Variants in MPHOSPH9 observed in about 807,000 individuals in gnomAD.
The protein encoded by MPHOSPH9 is M-phase phosphoprotein 9.
Under a neutral mutation model 145.5 loss-of-function variants are expected in MPHOSPH9, and 88 were observed. The observed-to-expected ratio is 0.60, with a 90% CI of 0.51 to 0.72. MPHOSPH9 has a LOEUF of 0.72. Among genes scored for constraint, MPHOSPH9 ranks in the 30% least tolerant of loss-of-function variants. MPHOSPH9 has a pLI of 0.00. For missense variants in MPHOSPH9, 1,238 were observed against 1,386.6 expected, an observed-to-expected ratio of 0.89 and a Z score of 1.70; for synonymous variants, 435 against 486.2, an observed-to-expected ratio of 0.89 and a Z score of 1.39.
At chr12:123,153,229 C>G (rs1448709673), downstream of MPHOSPH9, 1 of 152,152 alleles carries the variant, frequency 6.6e-6, no homozygotes, top group Non-Finnish European at 1.5e-5. Flanking sequence ...ACCAAATAAC[C>G]CCCAAGTCAC....
In MPHOSPH9 at chr12:123,179,987, C is replaced by T; in HGVS notation, c.2293G>A (p.Ala765Thr). 1.4e-6 allele frequency: 2 copies of T among 1,412,590 alleles called. No individual in the cohort carries two copies. The highest frequency in any genetic ancestry group is 1.9e-6 in the Non-Finnish European group (2 of 1,043,150). 87.5% of individuals were successfully genotyped at this position (1,412,590 alleles called of 1,614,324 possible). A position where few individuals can be genotyped will look rare whatever the true frequency, so the allele number is the denominator to read the frequency against. Residue 765 changes from alanine to threonine, a missense_variant, in exon 15 of 24, where the codon GCA becomes ACA. Ala to Thr is a moderately conservative substitution (Grantham distance 58, BLOSUM62 0). Transcript: ENST00000606320. ...AATTTGTTCTCAGTTGTATTTAATG[C>T]ATCCTATGGAAATAAAGGAGAAATT... is the stretch of plus-strand genomic sequence containing the variant. ...LGKEHRRVKD[A>T]LNTTENKLLD...
In MPHOSPH9 at chr12:123,227,561, G is replaced by C. The variant is rs1163161303; in HGVS notation, c.160C>G (p.Pro54Ala). Residue 54 changes from proline (P) to alanine (A), a missense_variant, in exon 3 of 24, where the codon CCA becomes GCA. Pro to Ala is a conservative substitution (Grantham distance 27). This residue lies in a region of MPHOSPH9 where 837 missense variants were observed against 897.5 expected (regional missense o/e 0.93). Coordinates refer to ENST00000606320, the MANE Select transcript of MPHOSPH9 (RefSeq NM_022782.4). Reference sequence around the variant, plus strand: ...TCAACTGTACCTTGAATTACAGATGGTCTGGTCTTCCCTGAGAAAGAGGAT... The same window carrying C: ...TCAACTGTACCTTGAATTACAGATGCTCTGGTCTTCCCTGAGAAAGAGGAT... Reference protein sequence around the residue: ...GVSSFSGKTRPSVIQGTVEVL... With the variant: ...GVSSFSGKTRASVIQGTVEVL... The C allele has an allele frequency of 2.6e-6, 4 of 1,532,920 alleles. No individual in the cohort carries two copies. Among genetic ancestry groups the C allele is most frequent in the Non-Finnish European group, 3.5e-6 (4 of 1,144,730 alleles). 95.0% of individuals were successfully genotyped at this position (1,532,920 alleles called of 1,614,324 possible).
At chr12:123,212,588 T>C (rs1268959069) in intron 7 of MPHOSPH9, among the ~76,000 whole-genome samples, 1 of 151,056 alleles carries the variant, frequency 6.6e-6, no homozygotes, top group Non-Finnish European at 1.5e-5. Flanking sequence ...ATGCCTGTAA[T>C]CCCAGTTTGG....
intron 18 of MPHOSPH9, among the ~76,000 whole-genome samples, chr12:123,164,593 A>G (rs1232966623): frequency 2.0e-5 from 3 of 152,242 alleles, no homozygotes; most frequent in African/African-American, 7.2e-5. Context: ...AAGAAGAGGA[A>G]ATGTTATATC....
Position 123,202,196 on chromosome 12 carries a change from A to G in MPHOSPH9, c.1905T>C (p.Asp635=). 3.1e-6 allele frequency: 5 copies of G among 1,611,454 alleles called. No homozygotes were observed. The highest frequency in any genetic ancestry group is 1.1e-5 in the South Asian group (1 of 90,108). The change falls in exon 11 of 24, where the codon GAT becomes GAC. Residue 635 remains aspartate, a synonymous_variant. Coordinates refer to ENST00000606320, the MANE Select transcript of MPHOSPH9 (RefSeq NM_022782.4). The part of the protein sequence containing the change: ...LEAKEISGVE[D]WKITNQILVD... ...CAAGAATTTGATTGGTTATCTTCCA[A>G]TCTTCAACTCCAGAGATTTCTTTTG... is the stretch of plus-strand genomic sequence containing the variant.
rs1156309160 is a variant in MPHOSPH9, at chr12:123,207,947, T to TA, written c.1194+2108dup. Among the ~76,000 whole-genome samples, 17 of 150,750 alleles carry TA rather than the reference T, an allele frequency of 1.1e-4. No homozygotes were observed. In the East Asian group the frequency reaches 1.4e-3, roughly 12 times the overall value. On this transcript the variant is annotated intron_variant, in intron 8 of 23. Coordinates refer to ENST00000606320, the MANE Select transcript of MPHOSPH9 (RefSeq NM_022782.4). ...AGTTTTATTTCTTTGCTCTTAAATTTAAAAAAAATGGGCCAGCGCAGTGGC... is the reference window on the plus strand; with the variant it reads ...AGTTTTATTTCTTTGCTCTTAAATTTAAAAAAAAATGGGCCAGCGCAGTGGC...
At chr12:123,210,508 C>T (rs748755804) in intron 7 of MPHOSPH9, among the ~76,000 whole-genome samples, 13 of 151,900 alleles carry the variant, frequency 8.6e-5, no homozygotes, top group African/African-American at 2.4e-4. Context: ...GCCTGGCCAA[C>T]GTGGTGAAGC....
chr12:123,160,592 A>C, intron 23 of MPHOSPH9, 189 bp downstream of exon 23: 4 of 539,012 alleles, frequency 7.4e-6, no homozygotes, highest in Non-Finnish European at 1.3e-5. Context: ...ATCAATTTTT[A>C]TTCCTGAAAG....
At chr12:123,201,336 G>C (rs143311739) in intron 11 of MPHOSPH9, among the ~76,000 whole-genome samples, 91 of 152,246 alleles carry the variant, frequency 6.0e-4, no homozygotes, top group African/African-American at 2.1e-3. Context: ...CTTAGAGAAT[G>C]CCTTGCTATC....
chr12:123,200,910 C>T lies in MPHOSPH9; in HGVS notation c.1937+1254G>A, dbSNP rs1240105799. 2.6e-5 allele frequency among the ~76,000 whole-genome samples: 4 copies of T among 152,020 alleles called. No homozygotes were observed. The South Asian group carries it at 6.2e-4, about 24-fold the overall frequency. On this transcript the variant is annotated intron_variant, in intron 11 of 23. Coordinates refer to ENST00000606320, the MANE Select transcript of MPHOSPH9 (RefSeq NM_022782.4). ...CTAACCTCTAGTGATCTGCCTGCCT[C>T]GGCCTCCCAAACTGCTGGGATTACA...
chr12:123,181,484 A>C (rs530751375), intron 13 of MPHOSPH9, among the ~76,000 whole-genome samples: 2 of 152,172 alleles, frequency 1.3e-5, no homozygotes, highest in South Asian at 4.1e-4. Context: ...AGGACAGAGG[A>C]TCACTTGAGG....
intron 12 of MPHOSPH9, among the ~76,000 whole-genome samples, chr12:123,195,791 A>G (rs959561566): frequency 4.0e-5 from 6 of 151,592 alleles, no homozygotes; most frequent in Admixed American, 6.6e-5. Flanking sequence ...TGTGGCTCAC[A>G]GCGGAAATCC....
At position 123,217,205 on chromosome 12, in the gene MPHOSPH9, CT is replaced by C. The variant is rs770326847; in HGVS notation, c.996+1170del. Among the ~76,000 whole-genome samples, 274 of 143,742 alleles carry C rather than the reference CT, an allele frequency of 1.9e-3. 1 individual carries two copies. Among genetic ancestry groups the C allele is most frequent in the Middle Eastern group, 3.5e-3 (1 of 286 alleles). The allele number at this position is 143,742 out of a possible 152,430, so 94.3% of individuals were successfully genotyped here. A position where few individuals can be genotyped will look rare whatever the true frequency, so the allele number is the denominator to read the frequency against. On this transcript the variant is annotated intron_variant, in intron 6 of 23. Coordinates refer to ENST00000606320, the MANE Select transcript of MPHOSPH9 (RefSeq NM_022782.4). ...AATTCAGAACTGTTCAAATTTCAAC[CT>C]TTTTTTTTTTTAGACGGAATCTCGC...
chr12:123,174,959 T>C lies in MPHOSPH9; in HGVS notation c.2456+1729A>G, dbSNP rs547959951. Among the ~76,000 whole-genome samples the C allele has an allele frequency of 1.1e-4, 17 of 152,204 alleles. No individual in the cohort carries two copies. The South Asian group carries it at 2.7e-3, about 24-fold the overall frequency. The stretch of plus-strand genomic sequence containing the variant: ...TAGAATCTCTCCCGAAGAGTCTCTA[T>C]TGTCTATTTCTGTGACCACCACCTA... On this transcript the variant is annotated intron_variant, in intron 16 of 23. Coordinates refer to ENST00000606320, the MANE Select transcript of MPHOSPH9 (RefSeq NM_022782.4).
chr12:123,228,361 A>C (rs1418255172), intron 2 of MPHOSPH9, among the ~76,000 whole-genome samples: 2 of 152,208 alleles, frequency 1.3e-5, no homozygotes, highest in Admixed American at 1.3e-4. Flanking sequence ...AAATAACAAT[A>C]AAATAATAGT....
intron 8 of MPHOSPH9, among the ~76,000 whole-genome samples, chr12:123,208,372 A>G (rs1020026102): frequency 1.3e-5 from 2 of 151,656 alleles, no homozygotes; most frequent in Non-Finnish European, 2.9e-5. Context: ...CCCCGTCTCT[A>G]CTAAAAATAC....
chr12:123,224,756 C>T (rs550690599), intron 3 of MPHOSPH9, among the ~76,000 whole-genome samples: 4 of 152,250 alleles, frequency 2.6e-5, no homozygotes, highest in Admixed American at 6.5e-5. Flanking sequence ...ATAAATATTT[C>T]GCACAGTATT....
intron 16 of MPHOSPH9, among the ~76,000 whole-genome samples, chr12:123,169,245 T>C (rs891974944): frequency 2.7e-5 from 4 of 149,190 alleles, no homozygotes; most frequent in Admixed American, 6.7e-5. Flanking sequence ...CCTATAATCC[T>C]AGCACTTTGA....
At chr12:123,224,110 T>TTC (rs1555231852) in intron 3 of MPHOSPH9, among the ~76,000 whole-genome samples, 3 of 120,392 alleles carry the variant, frequency 2.5e-5, no homozygotes, top group Non-Finnish European at 4.9e-5. Context: ...AATTGCTAAT[T>TTC]TATATATATA....
Sources: allele counts gnomAD v4.1 joint callset (sites outside exome capture counted in the v4.1 genomes callset), GRCh38; gene constraint gnomAD v4.1.1; regional missense constraint gnomAD v4.1.1; transcripts MANE v1.5; gene names NCBI Gene and HGNC (gene_info 2026-07-23, HGNC 2026-07-21).